Variants in SEC61A2 observed in about 807,000 individuals in gnomAD.
SEC61A2 encodes protein transport protein Sec61 subunit alpha isoform 2.
In SEC61A2, 28 loss-of-function variants were observed where a neutral mutation model predicts 59.9. That is an observed-to-expected ratio of 0.47 (90% CI 0.35 to 0.64). The LOEUF is 0.64. SEC61A2 is among the 30% of genes least tolerant of loss of function. SEC61A2 has a pLI of 0.01. For missense variants in SEC61A2, 340 were observed against 585.9 expected (o/e 0.58, Z 4.33); for synonymous variants, 202 against 214.4 (o/e 0.94, Z 0.50).
downstream of SEC61A2, chr10:12,168,015 T>A: frequency 5.3e-6 from 5 of 950,044 alleles, no homozygotes; most frequent in Non-Finnish European, 7.0e-6. The surrounding 1 kb of genome is among the most constrained non-coding windows in gnomAD (Gnocchi z 4.8). Flanking sequence ...GACAAGAACA[T>A]CAGGGATAAT....
downstream of SEC61A2, among the ~76,000 whole-genome samples, chr10:12,168,226 A>C (rs1264537034): frequency 6.6e-6 from 1 of 152,030 alleles, no homozygotes. This position sits in a 1 kb window ranked among gnomAD's most constrained non-coding sequence, Gnocchi z 4.8. Context: ...GGTTTTTGCC[A>C]TGTTGGCCAG....
Position 12,143,497 on chromosome 10 carries a change from G to A in SEC61A2, c.220+302G>A, listed in dbSNP as rs534345893. 1.3e-5 allele frequency among the ~76,000 whole-genome samples: 2 copies of A among 152,272 alleles called. No homozygotes were observed. Among genetic ancestry groups the A allele is most frequent in the African/African-American group, 4.8e-5 (2 of 41,544 alleles). On this transcript the variant is annotated intron_variant, in intron 4 of 11. Transcript: ENST00000298428. This position sits in a 1 kb window ranked among gnomAD's most constrained non-coding sequence, Gnocchi z 4.8. Reference sequence around the variant, plus strand: ...CCCCTGTAATCCCAGCACTTTGGGAGGCCAAGGTGGGCAGATCACCTGAGG... The same window carrying A: ...CCCCTGTAATCCCAGCACTTTGGGAAGCCAAGGTGGGCAGATCACCTGAGG...
At chr10:12,167,348 G>C (rs1225344821), downstream of SEC61A2, 1 of 186,476 alleles carries the variant, frequency 5.4e-6, no homozygotes, top group Non-Finnish European at 1.1e-5. Flanking sequence ...GTTGAGAGTG[G>C]AAATGACCTA....
At position 12,162,077 on chromosome 10, in the gene SEC61A2, G is replaced by A. The variant is rs1299169601; in HGVS notation, c.1168-136G>A. 1 of 719,626 alleles carries A rather than the reference G, an allele frequency of 1.4e-6. No individual in the cohort carries two copies. The highest frequency in any genetic ancestry group is 2.5e-4 in the Middle Eastern group (1 of 4,036). The allele number at this position is 719,626 out of a possible 1,614,324, so 44.6% of individuals were successfully genotyped here. The stretch of plus-strand genomic sequence containing the variant: ...GCTTTGGTTTCCTCAGGCTTAATGC[G>A]AATGATATGACAATGCAACTTTCAG... On this transcript the variant is annotated intron_variant, in intron 10 of 11. Coordinates refer to ENST00000298428, the MANE Select transcript of SEC61A2 (RefSeq NM_018144.4). The surrounding 1 kb of genome is among the most constrained non-coding windows in gnomAD (Gnocchi z 6.1).
chr10:12,144,808 T>C (rs535723436), intron 4 of SEC61A2, among the ~76,000 whole-genome samples: 22 of 152,072 alleles, frequency 1.4e-4, no homozygotes, highest in Non-Finnish European at 2.4e-4. Context: ...CCCAACACTT[T>C]GGGAGGCTGA....
At position 12,165,379 on chromosome 10, in the gene SEC61A2, TG is replaced by T; in HGVS notation, c.*927del. The T allele has an allele frequency of 1.0e-6, 1 of 970,374 alleles. No individual in the cohort carries two copies. The highest frequency in any genetic ancestry group is 1.2e-6 in the Non-Finnish European group (1 of 816,300). The allele number at this position is 970,374 out of a possible 1,614,324, so 60.1% of individuals were successfully genotyped here. A position where few individuals can be genotyped will look rare whatever the true frequency, so the allele number is the denominator to read the frequency against. On this transcript the variant is annotated 3_prime_UTR_variant, in exon 12 of 12. Coordinates refer to ENST00000298428, the MANE Select transcript of SEC61A2 (RefSeq NM_018144.4). ...TTTAAGAAAACTGATTCAGTTGTGT[TG>T]GAAAAAATAAAGAAATCTGATATTA... is the stretch of plus-strand genomic sequence containing the variant.
Position 12,162,458 on chromosome 10 carries a change from A to C in SEC61A2, c.1244+169A>C, listed in dbSNP as rs1186942369. 1.3e-6 allele frequency: 1 copy of C among 765,644 alleles called. No homozygotes were observed. Among genetic ancestry groups the C allele is most frequent in the East Asian group, 2.5e-5 (1 of 40,392 alleles). 47.4% of individuals were successfully genotyped at this position (765,644 alleles called of 1,614,324 possible). The stretch of plus-strand genomic sequence containing the variant: ...TTTCCATGTCAAAACCAACACCTGA[A>C]TTTTTCATTGAAATTGTGAGCACTG... On this transcript the variant is annotated intron_variant, in intron 11 of 11. Coordinates refer to ENST00000298428, the MANE Select transcript of SEC61A2 (RefSeq NM_018144.4). The surrounding 1 kb of genome is among the most constrained non-coding windows in gnomAD (Gnocchi z 6.1).
intron 6 of SEC61A2, among the ~76,000 whole-genome samples, chr10:12,151,184 T>C (rs1834263942): frequency 6.6e-6 from 1 of 151,406 alleles, no homozygotes; most frequent in African/African-American, 2.5e-5. Context: ...GTTATCTTTC[T>C]TGTGTTTTGA....
intron 1 of SEC61A2, among the ~76,000 whole-genome samples, chr10:12,132,817 A>G (rs1683332053): frequency 6.6e-6 from 1 of 152,196 alleles, no homozygotes; most frequent in Non-Finnish European, 1.5e-5. Context: ...CACGGGTACC[A>G]CGGTAGAGTA....
chr10:12,158,034 T>C lies in SEC61A2; in HGVS notation c.904T>C (p.Tyr302His). ...CCAGTCGGCCCTGGTGTCCAACCTG[T>C]ATGTTATTTCCCAGATGCTGTCTGT... is the stretch of plus-strand genomic sequence containing the variant. ...ILQSALVSNL[Y>H]VISQMLSVRF... Residue 302 changes from tyrosine to histidine, a missense_variant, in exon 9 of 12, where the codon TAT (tyrosine) becomes CAT (histidine). This residue lies in a region of SEC61A2 where 283 missense variants were observed against 483.2 expected (regional missense o/e 0.59). Coordinates refer to ENST00000298428, the MANE Select transcript of SEC61A2 (RefSeq NM_018144.4). The surrounding 1 kb of genome is among the most constrained non-coding windows in gnomAD (Gnocchi z 5.7). 1 of 1,614,198 alleles carries C rather than the reference T, an allele frequency of 6.2e-7. No individual in the cohort carries two copies. The highest frequency in any genetic ancestry group is 8.5e-7 in the Non-Finnish European group (1 of 1,180,020).
chr10:12,130,634 G>A (rs1833712851), intron 1 of SEC61A2: 2 of 154,350 alleles, frequency 1.3e-5, no homozygotes. Context: ...TTGGATTGAG[G>A]TGGAGAGGAA....
chr10:12,166,543 T>A (rs1230650882), downstream of SEC61A2: 1 of 322,694 alleles, frequency 3.1e-6, no homozygotes, highest in African/African-American at 2.2e-5. Context: ...AGTGAGCCTG[T>A]GGACAAACGG....
At chr10:12,157,483 G>A (rs1032581705) in intron 8 of SEC61A2, among the ~76,000 whole-genome samples, 2 of 142,846 alleles carry the variant, frequency 1.4e-5, no homozygotes, top group Admixed American at 7.3e-5. Context: ...TGACAGGCAC[G>A]TGCCACCACG....
downstream of SEC61A2, chr10:12,167,965 G>C: frequency 7.5e-7 from 1 of 1,339,466 alleles, no homozygotes; most frequent in Non-Finnish European, 9.7e-7. Context: ...GGATCTTAAA[G>C]AATAAAGACT....
rs1834122699 is a variant in SEC61A2 at position 12,145,671 on chromosome 10, G to A, written c.220+2476G>A. ...AAGTAATAGGAAACTAGATGCTTTC[G>A]TAGTCCGTAGATGTGATGATTGGAT... On this transcript the variant is annotated intron_variant, in intron 4 of 11. Transcript: ENST00000298428. This position sits in a 1 kb window ranked among gnomAD's most constrained non-coding sequence, Gnocchi z 4.4. 6.6e-6 allele frequency among the ~76,000 whole-genome samples: 1 copy of A among 152,170 alleles called. No individual in the cohort carries two copies. Among genetic ancestry groups the A allele is most frequent in the Non-Finnish European group, 1.5e-5 (1 of 68,024 alleles).
chr10:12,155,280 A>T lies in SEC61A2; in HGVS notation c.463-498A>T. The T allele has an allele frequency of 7.1e-7, 1 of 1,407,406 alleles. No individual in the cohort carries two copies. Among genetic ancestry groups the T allele is most frequent in the Non-Finnish European group, 9.5e-7 (1 of 1,057,388 alleles). The allele number at this position is 1,407,406 out of a possible 1,614,324, so 87.2% of individuals were successfully genotyped here. ...TGTACACATTTTATAGAGTATACAT[A>T]TATATAATATATATAATGCTTTTTT... On this transcript the variant is annotated intron_variant, in intron 6 of 11. Coordinates refer to ENST00000298428, the MANE Select transcript of SEC61A2 (RefSeq NM_018144.4). The surrounding 1 kb of genome is among the most constrained non-coding windows in gnomAD (Gnocchi z 4.3).
At chr10:12,148,419 A>G (rs1396079457) in intron 4 of SEC61A2, among the ~76,000 whole-genome samples, 1 of 148,580 alleles carries the variant, frequency 6.7e-6, no homozygotes, top group Non-Finnish European at 1.5e-5. Context: ...ATACTTTTGT[A>G]TTTTTATTAG....
rs760084917 is a variant in SEC61A2, at chr10:12,153,739, C to A, written c.463-2039C>A. 4 of 1,611,026 alleles carry A rather than the reference C, an allele frequency of 2.5e-6. No homozygotes were observed. The African/African-American group carries it at 4.0e-5, about 16-fold the overall frequency. ...GTGACCCATTGGTGTCTTTTCAAGGCGTTACTAACATTGAAAATATGTGGA... is the reference window on the plus strand; with the variant it reads ...GTGACCCATTGGTGTCTTTTCAAGGAGTTACTAACATTGAAAATATGTGGA... On this transcript the variant is annotated intron_variant, in intron 6 of 11. Coordinates refer to ENST00000298428, the MANE Select transcript of SEC61A2 (RefSeq NM_018144.4). This position sits in a 1 kb window ranked among gnomAD's most constrained non-coding sequence, Gnocchi z 5.2.
intron 6 of SEC61A2, among the ~76,000 whole-genome samples, chr10:12,151,384 T>C (rs1733196808): frequency 1.3e-5 from 2 of 150,206 alleles, no homozygotes; most frequent in South Asian, 4.1e-4. Flanking sequence ...CGATCTCGGC[T>C]CACTGCAACC....
Sources: allele counts gnomAD v4.1 joint callset (sites outside exome capture counted in the v4.1 genomes callset), GRCh38; gene constraint gnomAD v4.1.1; regional missense constraint gnomAD v4.1.1; non-coding constraint Gnocchi (gnomAD v3.1); transcripts MANE v1.5; gene names NCBI Gene and HGNC (gene_info 2026-07-23, HGNC 2026-07-21).